ATCAY: variants seen among roughly 807,000 people sequenced by gnomAD.
ATCAY encodes the protein caytaxin.
ATCAY carries 22 observed loss-of-function variants against 47.7 expected under a neutral mutation model. The observed-to-expected ratio is 0.46, with a 90% CI of 0.33 to 0.66. The LOEUF (loss-of-function observed/expected upper bound fraction) is 0.66. ATCAY is among the 30% of genes least tolerant of loss of function. ATCAY has a pLI of 0.02. For missense variants in ATCAY, 452 were observed against 515.0 expected (o/e 0.88, Z 1.18); for synonymous variants, 216 against 207.6 (o/e 1.04, Z -0.35).
At chr19:3,913,736 T>G (rs1426664265) in intron 8 of ATCAY, 22 bp from the exon 9 acceptor site, 1 of 1,607,116 alleles carries the variant, frequency 6.2e-7, no homozygotes, top group Admixed American at 1.7e-5. Context: ...TTCAGACCTC[T>G]CCCTCCTTCT....
intron 2 of ATCAY, among the ~76,000 whole-genome samples, chr19:3,894,538 C>A (rs924618777): frequency 4.8e-5 from 7 of 146,774 alleles, no homozygotes; most frequent in African/African-American, 1.5e-4. Context: ...CTGGTAGTCC[C>A]AGCTACTTGA....
chr19:3,885,811 T>A lies in ATCAY; in HGVS notation c.44T>A (p.Val15Glu). 6.4e-7 allele frequency: 1 copy of A among 1,552,236 alleles called. No individual in the cohort carries two copies. The highest frequency in any genetic ancestry group is 8.7e-7 in the Non-Finnish European group (1 of 1,147,702). Residue 15 changes from valine (V) to glutamate (E), a missense_variant, in exon 2 of 13, where the codon GTG (valine) becomes GAG (glutamate). Transcript: ENST00000450849. ...EATLRMENVD[V>E]KEEWQDEDLP... ...ACGCTCCGGATGGAAAACGTGGACG[T>A]GAAGGAGGAATGGCAGGACGAAGAT...
chr19:3,910,656 G>A (rs1051056528), intron 7 of ATCAY, 147 bp from the exon 8 acceptor site: 1 of 750,546 alleles, frequency 1.3e-6, no homozygotes, highest in Non-Finnish European at 2.3e-6. Context: ...CTTGGATGGG[G>A]GCAGGGATTT....
At chr19:3,911,624 T>C (rs2038923478) in intron 8 of ATCAY, among the ~76,000 whole-genome samples, 1 of 151,836 alleles carries the variant, frequency 6.6e-6, no homozygotes, top group Non-Finnish European at 1.5e-5. Context: ...ATGTATATCA[T>C]ATATAGTTAC....
At chr19:3,910,989 G>C in intron 8 of ATCAY, 100 bp downstream of exon 8, 1 of 1,314,314 alleles carries the variant, frequency 7.6e-7, no homozygotes, top group East Asian at 2.3e-5. Flanking sequence ...ACGTGTGTGC[G>C]TGTGTGCATC....
chr19:3,907,915 C>G lies in ATCAY; in HGVS notation c.540C>G (p.His180Gln), dbSNP rs533180596. The change falls in exon 5 of 13, where the codon CAC becomes CAG. Residue 180 changes from histidine to glutamine, a missense_variant. Transcript: ENST00000450849. This position sits in a 1 kb window ranked among gnomAD's most constrained non-coding sequence, Gnocchi z 5.1. Reference sequence around the variant, plus strand: ...GGCCTTACATGAAAGTGGTCACCCACGGAGGTGAGACCCGCCCCCCGGTGC... The same window carrying G: ...GGCCTTACATGAAAGTGGTCACCCAGGGAGGTGAGACCCGCCCCCCGGTGC... The part of the protein sequence containing the change: ...MIRPYMKVVT[H>Q]GGYYGEGLNA... 6.2e-7 allele frequency: 1 copy of G among 1,613,142 alleles called. No homozygotes were observed. The highest frequency in any genetic ancestry group is 1.3e-5 in the African/African-American group (1 of 74,902).
Position 3,920,965 on chromosome 19 carries a change from G to C in ATCAY, c.1106+167G>C, listed in dbSNP as rs890733216. On this transcript the variant is annotated intron_variant, in intron 12 of 12. Coordinates refer to ENST00000450849, the MANE Select transcript of ATCAY (RefSeq NM_033064.5). ...AACTGCCCCATGACTTATCGGGAGT[G>C]GGGGATACGGCACCGGGAAGGCAGG... The C allele has an allele frequency of 5.1e-6, 4 of 780,166 alleles. No homozygotes were observed. The African/African-American group carries it at 5.2e-5, about 10-fold the overall frequency. The allele number at this position is 780,166 out of a possible 1,614,324, so 48.3% of individuals were successfully genotyped here.
intron 6 of ATCAY, among the ~76,000 whole-genome samples, chr19:3,909,194 A>G (rs78086080): frequency 4.4e-4 from 40 of 91,584 alleles, no homozygotes; most frequent in African/African-American, 1.5e-3. Flanking sequence ...CCGAGATCGC[A>G]CCACTGCACT....
chr19:3,896,360 C>T (rs1483021335), intron 2 of ATCAY, among the ~76,000 whole-genome samples: 6 of 151,746 alleles, frequency 4.0e-5, no homozygotes, highest in Admixed American at 2.6e-4. Context: ...CTCCACCTCC[C>T]GGGTTCAAGC....
intron 2 of ATCAY, among the ~76,000 whole-genome samples, chr19:3,888,013 G>A (rs1030767320): frequency 6.6e-6 from 1 of 151,836 alleles, no homozygotes; most frequent in African/African-American, 2.4e-5. Flanking sequence ...TACTCGGGAG[G>A]CTGAGGCAGG....
intron 1 of ATCAY, among the ~76,000 whole-genome samples, chr19:3,883,457 G>A (rs1298694932): frequency 6.6e-6 from 1 of 152,180 alleles, no homozygotes; most frequent in Non-Finnish European, 1.5e-5. Context: ...CCGGACACAG[G>A]CCTGAAATCC....
chr19:3,918,699 C>T, intron 10 of ATCAY, 107 bp from the exon 11 acceptor site: 1 of 1,165,928 alleles, frequency 8.6e-7, no homozygotes, highest in Non-Finnish European at 1.2e-6. Context: ...GTTTGGAAAA[C>T]AGGTCCCAGG....
rs1172507618 is a variant in ATCAY, at chr19:3,907,408, C to T, written c.359-326C>T. 6.6e-6 allele frequency among the ~76,000 whole-genome samples: 1 copy of T among 152,074 alleles called. No individual in the cohort carries two copies. The highest frequency in any genetic ancestry group is 1.5e-5 in the Non-Finnish European group (1 of 68,012). On this transcript the variant is annotated intron_variant, in intron 4 of 12. Coordinates refer to ENST00000450849, the MANE Select transcript of ATCAY (RefSeq NM_033064.5). This position sits in a 1 kb window ranked among gnomAD's most constrained non-coding sequence, Gnocchi z 5.1. Reference sequence around the variant, plus strand: ...GAGAGTAAAAACCAAGCATGCATGCCCCGAGTATCCTCGTGGTTTGATGAA... The same window carrying T: ...GAGAGTAAAAACCAAGCATGCATGCTCCGAGTATCCTCGTGGTTTGATGAA...
intron 5 of ATCAY, 117 bp downstream of exon 5, chr19:3,908,036 G>A: frequency 7.3e-7 from 1 of 1,369,126 alleles, no homozygotes. Flanking sequence ...CTCGCTTCGG[G>A]TGGACGGACT....
chr19:3,914,064 G>A (rs1238329943), intron 9 of ATCAY, among the ~76,000 whole-genome samples: 1 of 151,542 alleles, frequency 6.6e-6, no homozygotes, highest in Non-Finnish European at 1.5e-5. Flanking sequence ...GTGAAACCCC[G>A]TCTCTACTAA....
chr19:3,890,437 A>G (rs932176700), intron 2 of ATCAY, among the ~76,000 whole-genome samples: 1 of 149,282 alleles, frequency 6.7e-6, no homozygotes, highest in Non-Finnish European at 1.5e-5. Context: ...TAATTTTTGT[A>G]TTTTTGGTAG....
At position 3,885,859 on chromosome 19, in the gene ATCAY, T is replaced by C. The variant is rs1458509034; in HGVS notation, c.77+15T>C. 6.4e-7 allele frequency: 1 copy of C among 1,550,794 alleles called. No individual in the cohort carries two copies. Among genetic ancestry groups the C allele is most frequent in the African/African-American group, 1.4e-5 (1 of 72,958 alleles). On this transcript the variant is annotated intron_variant, in intron 2 of 12. Coordinates refer to ENST00000450849, the MANE Select transcript of ATCAY (RefSeq NM_033064.5). ...GATCTTCCCAGGTAGGACTTCCACA[T>C]CCCTGAGTCAACCGTTGGGGGAGCA...
intron 2 of ATCAY, among the ~76,000 whole-genome samples, chr19:3,894,549 G>A (rs1256467333): frequency 6.8e-6 from 1 of 146,452 alleles, no homozygotes; most frequent in African/African-American, 2.5e-5. Flanking sequence ...AGCTACTTGA[G>A]AGGCTGAGGT....
chr19:3,896,634 C>T (rs1389675134), intron 2 of ATCAY, among the ~76,000 whole-genome samples: 4 of 152,072 alleles, frequency 2.6e-5, no homozygotes, highest in Non-Finnish European at 5.9e-5. Flanking sequence ...TCACAGCCTA[C>T]GTAGAGTCTG....
Sources: allele counts gnomAD v4.1 joint callset (sites outside exome capture counted in the v4.1 genomes callset), GRCh38; gene constraint gnomAD v4.1.1; non-coding constraint Gnocchi (gnomAD v3.1); transcripts MANE v1.5; gene names NCBI Gene and HGNC (gene_info 2026-07-23, HGNC 2026-07-21).